The following STIM2 variants were observed in gnomAD, a reference collection of about 807,000 sequenced individuals.
The protein encoded by STIM2 is stromal interaction molecule 2.
Under a neutral mutation model 85.8 loss-of-function variants are expected in STIM2, and 31 were observed. The observed-to-expected ratio is 0.36, with a 90% CI of 0.27 to 0.49. STIM2 has a LOEUF of 0.49. Among genes scored for constraint, STIM2 ranks in the 20% least tolerant of loss-of-function variants. The pLI, the probability that STIM2 is intolerant of heterozygous loss-of-function variation, is 0.98. For missense variants in STIM2, 841 were observed against 927.6 expected, an observed-to-expected ratio of 0.91 and a Z score of 1.21; for synonymous variants, 356 against 331.1, an observed-to-expected ratio of 1.08 and a Z score of -0.82.
chr4:26,976,811 C>CA (rs1279171365), intron 3 of STIM2, among the ~76,000 whole-genome samples: 8 of 151,684 alleles, frequency 5.3e-5, no homozygotes, highest in Non-Finnish European at 1.0e-4. Flanking sequence ...CTCAAAAAAA[C>CA]AAAAAAAATT....
chr4:26,960,922 G>A (rs1015508615), intron 3 of STIM2, among the ~76,000 whole-genome samples: 26 of 151,808 alleles, frequency 1.7e-4, no homozygotes, highest in Middle Eastern at 3.2e-3. Context: ...AAATTAACTA[G>A]GCTTGTTGGT....
At chr4:26,983,143 G>GA (rs200627301) in intron 3 of STIM2, among the ~76,000 whole-genome samples, 10 of 151,952 alleles carry the variant, frequency 6.6e-5, no homozygotes, top group East Asian at 1.9e-4. Flanking sequence ...TATGAAAATT[G>GA]AAAAAAAACT....
intron 1 of STIM2, among the ~76,000 whole-genome samples, chr4:26,917,770 G>T (rs57663175): frequency 6.6e-6 from 1 of 152,062 alleles, no homozygotes; most frequent in Admixed American, 6.5e-5. Context: ...CCTTCACTTT[G>T]TTCTTTAGCA....
At chr4:26,865,031 C>T (rs1179607461) in intron 1 of STIM2, among the ~76,000 whole-genome samples, 3 of 152,064 alleles carry the variant, frequency 2.0e-5, no homozygotes, top group Admixed American at 6.6e-5. Flanking sequence ...CCATTGTGAC[C>T]GTAGACTCAA....
intron 1 of STIM2, among the ~76,000 whole-genome samples, chr4:26,900,939 A>G (rs1723896307): frequency 6.6e-6 from 1 of 152,270 alleles, no homozygotes; most frequent in South Asian, 2.1e-4. Flanking sequence ...TCCCTCCAGC[A>G]TTGTCTTTTC....
chr4:26,998,911 C>CAA (rs11374270), intron 4 of STIM2, among the ~76,000 whole-genome samples: 19,841 of 147,266 alleles, frequency 0.13, 1,895 homozygotes, highest in South Asian at 0.22. Flanking sequence ...GACTCTGTCT[C>CAA]AAAAAAAAAA....
At chr4:26,878,003 A>G (rs1722873050) in intron 1 of STIM2, among the ~76,000 whole-genome samples, 2 of 152,168 alleles carry the variant, frequency 1.3e-5, no homozygotes, top group Admixed American at 6.5e-5. Flanking sequence ...TGGTGTCTTC[A>G]TCTTGGACTT....
chr4:26,977,050 A>C (rs1207571277), intron 3 of STIM2, among the ~76,000 whole-genome samples: 2 of 152,220 alleles, frequency 1.3e-5, no homozygotes, highest in Non-Finnish European at 2.9e-5. Context: ...AGATGGAACA[A>C]GGGCTAGTTA....
chr4:26,943,309 A>G (rs1175061709), intron 2 of STIM2, among the ~76,000 whole-genome samples: 3 of 152,156 alleles, frequency 2.0e-5, no homozygotes, highest in Non-Finnish European at 4.4e-5. Context: ...ACATATTCAA[A>G]ATAATTAGGT....
intron 1 of STIM2, among the ~76,000 whole-genome samples, chr4:26,907,648 G>A (rs1724179815): frequency 6.6e-6 from 1 of 152,148 alleles, no homozygotes; most frequent in African/African-American, 2.4e-5. Flanking sequence ...TGTGTTGGAA[G>A]CTAAATTATC....
Position 26,861,260 on chromosome 4 carries a change from A to T in STIM2, c.42A>T (p.Gly14=). 6.8e-7 allele frequency: 1 copy of T among 1,479,532 alleles called. No homozygotes were observed. Among genetic ancestry groups the T allele is most frequent in the Non-Finnish European group, 8.9e-7 (1 of 1,121,382 alleles). 91.7% of individuals were successfully genotyped at this position (1,479,532 alleles called of 1,614,324 possible). Residue 14 remains glycine, a synonymous_variant, in exon 1 of 12, where the codon GGA becomes GGT. Coordinates refer to ENST00000467087, the MANE Select transcript of STIM2 (RefSeq NM_020860.4). The stretch of plus-strand genomic sequence containing the variant: ...TGCTGGTAGCCGGAGCGGCGGACGG[A>T]TGCGAGCTTGTGCCCCGGCACCTCC...
chr4:26,953,615 A>T (rs1726133946), intron 2 of STIM2, among the ~76,000 whole-genome samples: 1 of 152,098 alleles, frequency 6.6e-6, no homozygotes, highest in Non-Finnish European at 1.5e-5. Context: ...GACTTATGGA[A>T]ATCAGGATAA....
intron 11 of STIM2, chr4:27,019,709 C>A: frequency 2.9e-6 from 1 of 350,758 alleles, no homozygotes; most frequent in Non-Finnish European, 5.5e-6. Context: ...GACGGAGTCT[C>A]GCTCTGTTGG....
At chr4:26,902,228 G>A (rs1723951236) in intron 1 of STIM2, among the ~76,000 whole-genome samples, 2 of 152,168 alleles carry the variant, frequency 1.3e-5, no homozygotes, top group South Asian at 4.1e-4. Flanking sequence ...TTGTTTCTTA[G>A]GGAAGTGGTA....
At chr4:26,988,119 C>A (rs1014772298) in intron 3 of STIM2, among the ~76,000 whole-genome samples, 3 of 152,178 alleles carry the variant, frequency 2.0e-5, no homozygotes, top group African/African-American at 7.2e-5. Context: ...AAATATAAAG[C>A]CCCATAGTCC....
rs1729020361 is a variant in STIM2, at chr4:27,024,531, A to C, written c.*1535A>C. On this transcript the variant is annotated 3_prime_UTR_variant, in exon 12 of 12. Transcript: ENST00000467087. ...GAGATTTGCTTTAAAGAAATGCTTT[A>C]GTAAGAATATGAACAATTTCCTGAT... The C allele has an allele frequency of 6.6e-6, 1 of 152,380 alleles. No homozygotes were observed. The highest frequency in any genetic ancestry group is 6.5e-5 in the Admixed American group (1 of 15,310). 9.4% of individuals were successfully genotyped at this position (152,380 alleles called of 1,614,324 possible). A position where few individuals can be genotyped will look rare whatever the true frequency, so the allele number is the denominator to read the frequency against.
rs137878499 is a variant in STIM2 at position 26,989,936 on chromosome 4, A to G, written c.398-5443A>G. ...AAAATCTCTACAAAGAAAATTATAA[A>G]ACACTGATTAAAGAAATTGAAGAGG... On this transcript the variant is annotated intron_variant, in intron 3 of 11. Coordinates refer to ENST00000467087, the MANE Select transcript of STIM2 (RefSeq NM_020860.4). 4.7e-3 allele frequency among the ~76,000 whole-genome samples: 716 copies of G among 152,292 alleles called. 25 individuals carry two copies. The highest frequency in any genetic ancestry group is 0.042 in the Admixed American group (649 of 15,288).
intron 4 of STIM2, among the ~76,000 whole-genome samples, chr4:26,996,023 AT>A (rs1459078915): frequency 2.0e-5 from 3 of 152,072 alleles, no homozygotes; most frequent in African/African-American, 7.2e-5. Context: ...AAAATGAGGT[AT>A]ATATTGTCCT....
Position 27,022,735 on chromosome 4 carries a change from G to A in STIM2, c.1980G>A (p.Lys660=). The change falls in exon 12 of 12, where the codon AAG becomes AAA. Residue 660 remains lysine (K), a synonymous_variant. Coordinates refer to ENST00000467087, the MANE Select transcript of STIM2 (RefSeq NM_020860.4). ...ACTGTGTAGGTCTGACAGAAACTAA[G>A]AGTATGATCTTCAGTCCTGCAAGCA... 6.2e-7 allele frequency: 1 copy of A among 1,614,076 alleles called. No individual in the cohort carries two copies. Among genetic ancestry groups the A allele is most frequent in the Non-Finnish European group, 8.5e-7 (1 of 1,179,992 alleles).
Sources: allele counts gnomAD v4.1 joint callset (sites outside exome capture counted in the v4.1 genomes callset), GRCh38; gene constraint gnomAD v4.1.1; transcripts MANE v1.5; gene names NCBI Gene and HGNC (gene_info 2026-07-23, HGNC 2026-07-21).